The following NAT1 variants were observed in gnomAD, a reference collection of about 807,000 sequenced individuals.
NAT1 encodes arylamine N-acetyltransferase 1.
For synonymous variants in NAT1, 144 were observed against 122.6 expected (o/e 1.17, Z -1.16); for missense variants, 400 against 339.2 (o/e 1.18, Z -1.41).
At chr8:18,198,503 ACT>A (rs1455555418) in intron 2 of NAT1, among the ~76,000 whole-genome samples, 1 of 152,156 alleles carries the variant, frequency 6.6e-6, no homozygotes, top group Non-Finnish European at 1.5e-5. Context: ...AGGTTAAATC[ACT>A]CTTTCCAGCA....
intron 2 of NAT1, among the ~76,000 whole-genome samples, chr8:18,182,733 T>C (rs1246199019): frequency 6.6e-6 from 1 of 152,184 alleles, no homozygotes; most frequent in Non-Finnish European, 1.5e-5. Flanking sequence ...ACTATTTGCA[T>C]TTTAATATTC....
intron 2 of NAT1, among the ~76,000 whole-genome samples, chr8:18,189,539 C>T (rs907330508): frequency 2.6e-5 from 4 of 152,130 alleles, no homozygotes; most frequent in Non-Finnish European, 5.9e-5. Context: ...ATACTAAAGA[C>T]ATATTTTTCT....
At chr8:18,190,517 A>T (rs1055751168) in intron 2 of NAT1, among the ~76,000 whole-genome samples, 1 of 152,120 alleles carries the variant, frequency 6.6e-6, no homozygotes, top group Non-Finnish European at 1.5e-5. Flanking sequence ...CAGGCGAAAA[A>T]CTTTCCTGAG....
chr8:18,181,804 A>G (rs1479550715), intron 2 of NAT1, among the ~76,000 whole-genome samples: 1 of 152,116 alleles, frequency 6.6e-6, no homozygotes, highest in Non-Finnish European at 1.5e-5. Context: ...GTATTTTATG[A>G]AATGTTTCCG....
At chr8:18,183,897 C>T (rs1056880289) in intron 2 of NAT1, among the ~76,000 whole-genome samples, 15 of 152,164 alleles carry the variant, frequency 9.9e-5, no homozygotes, top group Non-Finnish European at 2.1e-4. Flanking sequence ...GGGTTGACCT[C>T]CCAAGGCCTC....
intron 2 of NAT1, among the ~76,000 whole-genome samples, chr8:18,183,029 C>T (rs1457345253): frequency 6.6e-6 from 1 of 152,024 alleles, no homozygotes; most frequent in East Asian, 1.9e-4. Context: ...TTTTGTGCTG[C>T]TATAACAGAA....
At chr8:18,190,391 A>G (rs1802932606) in intron 2 of NAT1, among the ~76,000 whole-genome samples, 2 of 152,236 alleles carry the variant, frequency 1.3e-5, no homozygotes, top group Admixed American at 6.5e-5. Flanking sequence ...CACAGCCTAG[A>G]GTATTTAAAT....
rs1231690763 is a variant in NAT1 at position 18,222,661 on chromosome 8, T to C, written c.614T>C (p.Met205Thr). The change falls in exon 3 of 3, where the codon ATG becomes ACG. Residue 205 changes from methionine (M) to threonine (T), a missense_variant. Physicochemically the swap from Met to Thr is moderately conservative, Grantham distance 81. Transcript: ENST00000307719. ...KPRTIEDFES[M>T]NTYLQTSPSS... is the part of the protein sequence containing the mutation. ...CGAACAATTGAAGATTTTGAGTCTATGAATACATACCTGCAGACATCTCCA... is the reference window on the plus strand; with the variant it reads ...CGAACAATTGAAGATTTTGAGTCTACGAATACATACCTGCAGACATCTCCA... 1 of 1,613,712 alleles carries C rather than the reference T, an allele frequency of 6.2e-7. No homozygotes were observed. The highest frequency in any genetic ancestry group is 8.5e-7 in the Non-Finnish European group (1 of 1,179,958).
chr8:18,194,427 G>A (rs117580445), intron 2 of NAT1, among the ~76,000 whole-genome samples: 1,753 of 152,266 alleles, frequency 0.012, 15 homozygotes, highest in South Asian at 0.036. Flanking sequence ...GGACCAAGTC[G>A]TATCTGTTGA....
chr8:18,216,959 T>A (rs779970548), intron 1 of NAT1: 8 of 1,551,088 alleles, frequency 5.2e-6, no homozygotes, highest in Non-Finnish European at 7.0e-6. Flanking sequence ...TTGGCTATAA[T>A]AGCCTACCGG....
At chr8:18,205,422 C>CG (rs1273865417), upstream of NAT1, among the ~76,000 whole-genome samples, 1 of 152,036 alleles carries the variant, frequency 6.6e-6, no homozygotes, top group African/African-American at 2.4e-5. Flanking sequence ...AGTGGTTGTT[C>CG]GGGGCAGGTG....
At chr8:18,187,850 C>T (rs1563167040) in intron 2 of NAT1, among the ~76,000 whole-genome samples, 2 of 151,600 alleles carry the variant, frequency 1.3e-5, no homozygotes, top group African/African-American at 4.8e-5. Context: ...GCCCCGGAAC[C>T]TAAAAGTTTA....
intron 2 of NAT1, among the ~76,000 whole-genome samples, chr8:18,203,868 C>T (rs762839231): frequency 3.9e-5 from 6 of 152,152 alleles, no homozygotes; most frequent in Non-Finnish European, 7.3e-5. Context: ...TGGGAGCTTG[C>T]ACAGGTGAAT....
At position 18,222,526 on chromosome 8, in the gene NAT1, A is replaced by G. The variant is rs1805437573; in HGVS notation, c.479A>G (p.Tyr160Cys). The change falls in exon 3 of 3, where the codon TAT (tyrosine) becomes TGT (cysteine). Residue 160 changes from tyrosine (Y) to cysteine (C), a missense_variant. Tyr to Cys is a radical substitution (Grantham distance 194, BLOSUM62 -2). Transcript: ENST00000307719. ...FRLTEENGFW[Y>C]LDQIRREQYI... ...TTGACGGAAGAGAATGGATTCTGGT[A>G]TCTAGACCAAATCAGAAGGGAACAG... 6.2e-7 allele frequency: 1 copy of G among 1,614,174 alleles called. No individual in the cohort carries two copies. Among genetic ancestry groups the G allele is most frequent in the South Asian group, 1.1e-5 (1 of 91,084 alleles).
At chr8:18,214,735 A>G (rs992992478) in intron 1 of NAT1, among the ~76,000 whole-genome samples, 2 of 152,138 alleles carry the variant, frequency 1.3e-5, no homozygotes, top group African/African-American at 4.8e-5. Context: ...CAGGTTCGTT[A>G]TATAGGTAAA....
chr8:18,184,572 C>T (rs1802655650), intron 2 of NAT1, among the ~76,000 whole-genome samples: 2 of 152,286 alleles, frequency 1.3e-5, no homozygotes, highest in South Asian at 2.1e-4. Context: ...GAGGTCAATA[C>T]ATAATAATCA....
Position 18,200,618 on chromosome 8 carries a change from T to C in NAT1, n.93-9163T>C, listed in dbSNP as rs1803419682. Among the ~76,000 whole-genome samples the C allele has an allele frequency of 2.0e-5, 3 of 152,050 alleles. No individual in the cohort carries two copies. In the South Asian group the frequency reaches 6.2e-4, roughly 32 times the overall value. ...ATTACCTGGGTGATGAACTAACCTG[T>C]ACACCAAACCCCTGTGACGTGTAGT... On this transcript the variant is annotated intron_variant and non_coding_transcript_variant, in intron 2 of 4. Coordinates refer to the NAT1 transcript ENST00000517441.
chr8:18,171,777 G>A (rs1285396369), intron 2 of NAT1, among the ~76,000 whole-genome samples: 6 of 152,162 alleles, frequency 3.9e-5, no homozygotes, highest in Non-Finnish European at 8.8e-5. Context: ...ACGCAACAAG[G>A]AGTATTTCCT....
upstream of NAT1, among the ~76,000 whole-genome samples, chr8:18,208,564 C>A (rs1013067330): frequency 6.6e-6 from 1 of 152,116 alleles, no homozygotes; most frequent in African/African-American, 2.4e-5. Flanking sequence ...ACAAGGTGGC[C>A]AAATAGAACC....
Sources: allele counts gnomAD v4.1 joint callset (sites outside exome capture counted in the v4.1 genomes callset), GRCh38; gene constraint gnomAD v4.1.1; transcripts MANE v1.5; gene names NCBI Gene and HGNC (gene_info 2026-07-23, HGNC 2026-07-21).